Variants in DNAJC13 observed in about 807,000 individuals in gnomAD.
DNAJC13 encodes DnaJ heat shock protein family (Hsp40) member C13.
Under a neutral mutation model 290.5 loss-of-function variants are expected in DNAJC13, and 75 were observed. The ratio of observed to expected loss-of-function variants is 0.26; its 90% CI spans 0.21 to 0.31. DNAJC13 has a LOEUF of 0.31. Among genes scored for constraint, DNAJC13 ranks in the 10% least tolerant of loss-of-function variants. The pLI is 1.00. For synonymous variants in DNAJC13, 862 were observed against 892.0 expected, an observed-to-expected ratio of 0.97 and a Z score of 0.60; for missense variants, 2,260 against 2,674.5, an observed-to-expected ratio of 0.85 and a Z score of 3.42.
In DNAJC13 at chr3:132,457,289, T is replaced by A; in HGVS notation, c.1370T>A (p.Val457Glu). Residue 457 changes from valine (V) to glutamate (E), a missense_variant, in exon 13 of 56, where the codon GTG (valine) becomes GAG (glutamate). Around this residue, in one of 3 missense-constraint regions of DNAJC13, gnomAD observed 762 missense variants for 964.1 expected, o/e 0.79. Coordinates refer to ENST00000260818, the MANE Select transcript of DNAJC13 (RefSeq NM_015268.4). ...QLPKFRERLG[V>E]KVVKALKRSN... ...AAAAGGTTTCGCGAGCGTCTAGGGG[T>A]GAAGGTAGTAAAAGCACTCAAAAGA... The A allele has an allele frequency of 6.2e-7, 1 of 1,612,220 alleles. No homozygotes were observed. The highest frequency in any genetic ancestry group is 8.5e-7 in the Non-Finnish European group (1 of 1,179,356).
At chr3:132,449,325 C>G (rs1559873509) in intron 5 of DNAJC13, among the ~76,000 whole-genome samples, 3 of 152,130 alleles carry the variant, frequency 2.0e-5, no homozygotes, top group Non-Finnish European at 2.9e-5. Flanking sequence ...ATCAGCACAT[C>G]TCATTAATGG....
intron 54 of DNAJC13, 118 bp downstream of exon 54, chr3:132,528,450 A>G: frequency 8.0e-7 from 1 of 1,255,152 alleles, no homozygotes; most frequent in Non-Finnish European, 1.1e-6. Flanking sequence ...TTGTAACTGG[A>G]GAAGATCCAG....
chr3:132,481,842 G>A (rs1934685724), intron 26 of DNAJC13, among the ~76,000 whole-genome samples: 1 of 152,116 alleles, frequency 6.6e-6, no homozygotes, highest in South Asian at 2.1e-4. Flanking sequence ...AATATTTTGA[G>A]CATTGTTGCT....
intron 5 of DNAJC13, among the ~76,000 whole-genome samples, chr3:132,448,502 A>G (rs1419577436): frequency 6.6e-6 from 1 of 152,166 alleles, no homozygotes; most frequent in Admixed American, 6.5e-5. Context: ...TTTAAACTAA[A>G]TCAGAGACTT....
chr3:132,438,397 T>C (rs1221215450), intron 2 of DNAJC13, among the ~76,000 whole-genome samples: 1 of 152,232 alleles, frequency 6.6e-6, no homozygotes, highest in Non-Finnish European at 1.5e-5. Context: ...TCAGCAGTGT[T>C]AATGTAAAAA....
chr3:132,501,625 C>T (rs1286809642), intron 39 of DNAJC13, among the ~76,000 whole-genome samples: 3 of 150,376 alleles, frequency 2.0e-5, no homozygotes, highest in African/African-American at 5.0e-5. Context: ...CTAGAGAGTT[C>T]GGCACTGCTT....
chr3:132,496,384 C>A (rs1935234752), intron 35 of DNAJC13, 144 bp from the exon 36 acceptor site: 3 of 721,668 alleles, frequency 4.2e-6, no homozygotes, highest in Non-Finnish European at 6.3e-6. Flanking sequence ...AGTATACCAG[C>A]TAGATTACAG....
At chr3:132,472,309 T>A (rs1039641829) in intron 20 of DNAJC13, among the ~76,000 whole-genome samples, 11 of 152,218 alleles carry the variant, frequency 7.2e-5, no homozygotes, top group Admixed American at 2.0e-4. Flanking sequence ...TCTTGAAATC[T>A]TCTCTTCCAG....
Position 132,506,785 on chromosome 3 carries a change from C to T in DNAJC13, c.4999-452C>T, listed in dbSNP as rs929596308. Reference sequence around the variant, plus strand: ...CAAGATGGTCTCGATCTCTTGACCTCATGATCCACCCGCCTCGGCCTCCCT... The same window carrying T: ...CAAGATGGTCTCGATCTCTTGACCTTATGATCCACCCGCCTCGGCCTCCCT... On this transcript the variant is annotated intron_variant, in intron 42 of 55. Transcript: ENST00000260818. Among the ~76,000 whole-genome samples, 34 of 151,784 alleles carry T rather than the reference C, an allele frequency of 2.2e-4. 1 individual carries two copies. The highest frequency in any genetic ancestry group is 1.3e-3 in the South Asian group (6 of 4,784).
chr3:132,515,165 T>C (rs1446200687), intron 46 of DNAJC13, among the ~76,000 whole-genome samples: 1 of 152,174 alleles, frequency 6.6e-6, no homozygotes, highest in Non-Finnish European at 1.5e-5. Flanking sequence ...AATTACCTAG[T>C]CTAATAGTTT....
At chr3:132,432,257 C>T (rs962432466) in intron 1 of DNAJC13, among the ~76,000 whole-genome samples, 13 of 152,008 alleles carry the variant, frequency 8.6e-5, no homozygotes, top group Admixed American at 2.0e-4. Flanking sequence ...GGCTGGAGTG[C>T]GGTGGTGCGA....
chr3:132,466,037 T>C lies in DNAJC13; in HGVS notation c.1935T>C (p.Asn645=). ...RHLVGLWTAD[N]ATATNLLKRI... ...TAGTGGGACTCTGGACAGCTGATAA[T>C]GCAACTGCAACAAACTTGTTGAAAC... Residue 645 remains asparagine (N), a synonymous_variant, in exon 18 of 56, where the codon AAT becomes AAC. Transcript: ENST00000260818. 1 of 1,614,094 alleles carries C rather than the reference T, an allele frequency of 6.2e-7. No individual in the cohort carries two copies. Among genetic ancestry groups the C allele is most frequent in the Non-Finnish European group, 8.5e-7 (1 of 1,179,938 alleles).
At chr3:132,464,101 T>C (rs374282623) in intron 17 of DNAJC13, among the ~76,000 whole-genome samples, 15 of 152,314 alleles carry the variant, frequency 9.8e-5, no homozygotes, top group African/African-American at 2.6e-4. Flanking sequence ...TAAAAGCTTA[T>C]GGAACTAGAA....
chr3:132,511,582 G>A (rs73217905), intron 44 of DNAJC13, among the ~76,000 whole-genome samples: 9 of 152,248 alleles, frequency 5.9e-5, no homozygotes, highest in Non-Finnish European at 1.0e-4. Flanking sequence ...TTAATAATAA[G>A]TGATCTAATT....
At chr3:132,476,694 G>C (rs186611658) in intron 22 of DNAJC13, among the ~76,000 whole-genome samples, 4 of 152,218 alleles carry the variant, frequency 2.6e-5, no homozygotes, top group Admixed American at 6.5e-5. Flanking sequence ...AGCCAAATAG[G>C]CTTCTTAGAA....
intron 1 of DNAJC13, among the ~76,000 whole-genome samples, chr3:132,423,168 GC>G (rs937653999): frequency 6.6e-6 from 1 of 152,038 alleles, no homozygotes; most frequent in East Asian, 1.9e-4. Context: ...GGTGACGTGT[GC>G]TCGGGAGGCT....
At chr3:132,456,106 G>A (rs968075310) in intron 9 of DNAJC13, 129 bp from the exon 10 acceptor site, 6 of 748,740 alleles carry the variant, frequency 8.0e-6, no homozygotes, top group African/African-American at 7.0e-5. Context: ...CCCACTGTTT[G>A]TGTTTCCCAT....
At chr3:132,483,232 T>C (rs1329113991) in intron 27 of DNAJC13, 143 bp from the exon 28 acceptor site, 9 of 856,588 alleles carry the variant, frequency 1.1e-5, no homozygotes, top group African/African-American at 3.4e-5. Flanking sequence ...CCTAAAGGCC[T>C]GTCAACAAAA....
chr3:132,500,103 T>TA (rs1251954517), intron 38 of DNAJC13, among the ~76,000 whole-genome samples: 3 of 152,244 alleles, frequency 2.0e-5, no homozygotes, highest in African/African-American at 7.2e-5. Context: ...ATTGAACCCA[T>TA]ATGTTTCCAT....
Sources: gnomAD v4.1 joint callset for allele counts (sites outside exome capture counted in the v4.1 genomes callset) on GRCh38, gnomAD v4.1.1 for gene constraint, gnomAD v4.1.1 regional missense constraint, MANE v1.5 for transcripts, NCBI Gene and HGNC (gene_info 2026-07-23, HGNC 2026-07-21) for gene names.